Variants in DMAC2L observed in about 807,000 individuals in gnomAD.
The protein encoded by DMAC2L is ATP synthase subunit s, mitochondrial.
Under a neutral mutation model 22.5 loss-of-function variants are expected in DMAC2L, and 21 were observed. That is an observed-to-expected ratio of 0.93 (90% CI 0.66 to 1.34). The LOEUF is 1.34. Ranked by LOEUF, DMAC2L falls within the 40% of genes most tolerant of loss-of-function variation. DMAC2L has a pLI of 0.00. For synonymous variants in DMAC2L, 86 were observed against 89.5 expected (o/e 0.96, Z 0.22); for missense variants, 239 against 246.5 (o/e 0.97, Z 0.20).
chr14:50,311,902 C>A, upstream of DMAC2L: 1 of 1,456,592 alleles, frequency 6.9e-7, no homozygotes, highest in Non-Finnish European at 9.2e-7. Context: ...GGACCCCAAC[C>A]TGCTCTCACC....
At chr14:50,312,427 A>G in intron 1 of DMAC2L, 38 bp downstream of exon 1, 1 of 535,640 alleles carries the variant, frequency 1.9e-6, no homozygotes, top group Non-Finnish European at 3.4e-6. Flanking sequence ...GGGCGGGACT[A>G]GGGTGGTGGT....
chr14:50,322,690 G>A lies in DMAC2L; in HGVS notation c.287G>A (p.Cys96Tyr), dbSNP rs778435655. ...KIQAIDATDS[C>Y]IMSIGFDHME... ...CAGGCGATCGACGCCACCGACTCTT[G>A]TATCATGAGCATTGGATTTGATCAC... The change falls in exon 4 of 6, where the codon TGT becomes TAT. Residue 96 changes from cysteine to tyrosine, a missense_variant. By Grantham distance (194) the Cys-to-Tyr change is radical. Coordinates refer to ENST00000557421, the MANE Select transcript of DMAC2L (RefSeq NM_001382507.1). The A allele has an allele frequency of 1.8e-5, 29 of 1,614,020 alleles. No individual in the cohort carries two copies. Among genetic ancestry groups the A allele is most frequent in the Non-Finnish European group, 2.3e-5 (27 of 1,180,042 alleles).
intron 1 of DMAC2L, chr14:50,313,212 G>T (rs113906741): frequency 2.9e-5 from 19 of 665,532 alleles, no homozygotes; most frequent in African/African-American, 5.5e-5. Context: ...TTAGGGTTAG[G>T]ACAGCTGAAC....
intron 2 of DMAC2L, among the ~76,000 whole-genome samples, chr14:50,319,614 A>G (rs1239290962): frequency 6.6e-6 from 1 of 152,224 alleles, no homozygotes; most frequent in Non-Finnish European, 1.5e-5. Context: ...TCAGGGCTTC[A>G]GTTTCCTCAC....
intron 2 of DMAC2L, among the ~76,000 whole-genome samples, chr14:50,316,793 A>G (rs565061248): frequency 3.3e-5 from 5 of 152,270 alleles, no homozygotes; most frequent in South Asian, 2.1e-4. Flanking sequence ...TTTGGTGACT[A>G]TGGCCTTATG....
chr14:50,312,545 A>C, intron 1 of DMAC2L, 156 bp downstream of exon 1: 1 of 313,434 alleles, frequency 3.2e-6, no homozygotes. Context: ...CCGTGGGAGA[A>C]ACTCTGGGCG....
At chr14:50,311,887 C>A (rs1188200196), upstream of DMAC2L, 4 of 1,343,180 alleles carry the variant, frequency 3.0e-6, no homozygotes, top group Non-Finnish European at 4.1e-6. Flanking sequence ...GGTTGGAGTG[C>A]CACAGGACCC....
At chr14:50,319,556 C>G (rs116967195) in intron 2 of DMAC2L, among the ~76,000 whole-genome samples, 1 of 152,214 alleles carries the variant, frequency 6.6e-6, no homozygotes, top group East Asian at 1.9e-4. Context: ...TTATTAATAC[C>G]CCACCTTGTT....
At chr14:50,317,315 T>C (rs561184165) in intron 2 of DMAC2L, among the ~76,000 whole-genome samples, 16 of 152,364 alleles carry the variant, frequency 1.1e-4, no homozygotes, top group African/African-American at 3.8e-4. Context: ...TTATTGGTTC[T>C]AGGAGCTTTT....
At chr14:50,323,147 G>A (rs1464661165) in intron 4 of DMAC2L, 8 of 536,800 alleles carry the variant, frequency 1.5e-5, no homozygotes, top group Non-Finnish European at 1.7e-5. Flanking sequence ...GTGCAGTGGC[G>A]CGATCTCAGC....
intron 2 of DMAC2L, among the ~76,000 whole-genome samples, chr14:50,317,460 T>C (rs1473339388): frequency 6.6e-6 from 1 of 152,172 alleles, no homozygotes; most frequent in Non-Finnish European, 1.5e-5. Flanking sequence ...CTTCCAGTAC[T>C]ATGTTGAATA....
chr14:50,317,773 A>G (rs926766027), intron 2 of DMAC2L, among the ~76,000 whole-genome samples: 21 of 142,660 alleles, frequency 1.5e-4, no homozygotes, highest in African/African-American at 5.5e-4. Context: ...ACTATCTCCA[A>G]AAAAAAAAAA....
intron 5 of DMAC2L, among the ~76,000 whole-genome samples, chr14:50,325,001 C>G (rs1049575926): frequency 6.6e-6 from 1 of 152,172 alleles, no homozygotes; most frequent in African/African-American, 2.4e-5. Flanking sequence ...GTCTCGAACT[C>G]CTGAACTCAT....
intron 1 of DMAC2L, chr14:50,312,967 C>T: frequency 6.2e-7 from 1 of 1,612,350 alleles, no homozygotes; most frequent in South Asian, 1.1e-5. Flanking sequence ...GTTTTTGCCA[C>T]CATTTATAAG....
At position 50,325,988 on chromosome 14, in the gene DMAC2L, G is replaced by A; in HGVS notation, c.*265G>A. On this transcript the variant is annotated 3_prime_UTR_variant, in exon 6 of 6. Transcript: ENST00000557421. Reference sequence around the variant, plus strand: ...CTCATGCCTGTAATCCTAGCACTTTGGGAGGCCAAAGCGGGCAGATCACCT... The same window carrying A: ...CTCATGCCTGTAATCCTAGCACTTTAGGAGGCCAAAGCGGGCAGATCACCT... 9.7e-7 allele frequency: 1 copy of A among 1,028,280 alleles called. No individual in the cohort carries two copies. Among genetic ancestry groups the A allele is most frequent in the Non-Finnish European group, 1.2e-6 (1 of 845,718 alleles). 63.7% of individuals were successfully genotyped at this position (1,028,280 alleles called of 1,614,324 possible). A position where few individuals can be genotyped will look rare whatever the true frequency, so the allele number is the denominator to read the frequency against.
At chr14:50,312,628 C>T (rs12892752) in intron 1 of DMAC2L, 117,817 of 225,542 alleles carry the variant, frequency 0.52, 30,831 homozygotes, top group East Asian at 0.68. Flanking sequence ...GGCCCCGCCC[C>T]CGCCCCGCCC....
intron 2 of DMAC2L, among the ~76,000 whole-genome samples, chr14:50,317,278 T>G (rs575336464): frequency 6.6e-6 from 1 of 152,368 alleles, no homozygotes; most frequent in South Asian, 2.1e-4. Flanking sequence ...TCATTAATTT[T>G]GTATTCTGAA....
At chr14:50,318,992 G>C in intron 2 of DMAC2L, 1 of 981,660 alleles carries the variant, frequency 1.0e-6, no homozygotes, top group Non-Finnish European at 1.2e-6. Context: ...ACTAAGTATA[G>C]CAGACATTCA....
intron 4 of DMAC2L, among the ~76,000 whole-genome samples, chr14:50,323,501 C>T (rs1268198431): frequency 6.7e-6 from 1 of 150,012 alleles, no homozygotes; most frequent in African/African-American, 2.5e-5. Flanking sequence ...TCAAGTGATT[C>T]TCCTGCCTCA....
Sources: allele counts gnomAD v4.1 joint callset (sites outside exome capture counted in the v4.1 genomes callset), GRCh38; gene constraint gnomAD v4.1.1; transcripts MANE v1.5; gene names NCBI Gene and HGNC (gene_info 2026-07-23, HGNC 2026-07-21).